Variants in TBC1D22A observed in about 807,000 individuals in gnomAD.
The protein encoded by TBC1D22A is TBC1 domain family member 22A.
TBC1D22A carries 38 observed loss-of-function variants against 60.2 expected under a neutral mutation model. The observed-to-expected ratio is 0.63, with a 90% CI of 0.49 to 0.83. TBC1D22A has a LOEUF of 0.83. Among genes scored for constraint, TBC1D22A ranks in the 40% least tolerant of loss-of-function variants. The pLI, the probability that TBC1D22A is intolerant of heterozygous loss-of-function variation, is 0.00. For synonymous variants in TBC1D22A, 302 were observed against 281.7 expected, an observed-to-expected ratio of 1.07 and a Z score of -0.72; for missense variants, 628 against 701.0, an observed-to-expected ratio of 0.90 and a Z score of 1.18.
chr22:46,773,536 C>T (rs918568490), intron 1 of TBC1D22A, among the ~76,000 whole-genome samples: 2 of 152,148 alleles, frequency 1.3e-5, no homozygotes, highest in African/African-American at 4.8e-5. Context: ...GCCATCTCAG[C>T]TCACTGTAAC....
Position 47,146,148 on chromosome 22 carries a change from A to G in TBC1D22A, c.1426-27350A>G, listed in dbSNP as rs558206508. 8.7e-5 allele frequency among the ~76,000 whole-genome samples: 13 copies of G among 150,170 alleles called. No individual in the cohort carries two copies. The South Asian group carries it at 2.5e-3, about 29-fold the overall frequency. Reference sequence around the variant, plus strand: ...TGCTGGTCTGTTTGTGCTGTCCCTTAAAACAGGGGTTGACTGGGGGCCGCG... The same window carrying G: ...TGCTGGTCTGTTTGTGCTGTCCCTTGAAACAGGGGTTGACTGGGGGCCGCG... On this transcript the variant is annotated intron_variant, in intron 12 of 12. Transcript: ENST00000337137.
At chr22:47,150,290 G>C (rs1391822951) in intron 12 of TBC1D22A, among the ~76,000 whole-genome samples, 1 of 152,162 alleles carries the variant, frequency 6.6e-6, no homozygotes, top group African/African-American at 2.4e-5. Context: ...GGGCACTGGG[G>C]AGTGGGCGGC....
At chr22:47,161,751 T>C (rs1413741049) in intron 12 of TBC1D22A, among the ~76,000 whole-genome samples, 1 of 152,242 alleles carries the variant, frequency 6.6e-6, no homozygotes, top group African/African-American at 2.4e-5. Context: ...AAAGCCCTTC[T>C]GCGCAAGTGT....
chr22:47,050,466 GCT>G (rs1023980209), intron 11 of TBC1D22A, among the ~76,000 whole-genome samples: 3 of 152,346 alleles, frequency 2.0e-5, no homozygotes, highest in Non-Finnish European at 4.4e-5. Context: ...AGCTGGCTGT[GCT>G]CTGTTTTTTA....
At chr22:46,902,793 C>T (rs906715114) in intron 7 of TBC1D22A, among the ~76,000 whole-genome samples, 5 of 151,020 alleles carry the variant, frequency 3.3e-5, no homozygotes, top group African/African-American at 1.2e-4. Context: ...AGACAGACAC[C>T]CGGTGGGCAC....
chr22:47,127,436 G>C (rs571858747), intron 12 of TBC1D22A, among the ~76,000 whole-genome samples: 38 of 148,838 alleles, frequency 2.6e-4, no homozygotes, highest in African/African-American at 8.5e-4. Flanking sequence ...AGACGGCCAG[G>C]CTGGTCTCGA....
intron 4 of TBC1D22A, among the ~76,000 whole-genome samples, chr22:46,871,848 A>G (rs1197256056): frequency 2.0e-5 from 3 of 152,216 alleles, no homozygotes; most frequent in Non-Finnish European, 4.4e-5. Context: ...TAAACTGAAA[A>G]ATGGGTAAAC....
chr22:46,941,720 G>A (rs1189930634), intron 8 of TBC1D22A, among the ~76,000 whole-genome samples: 3 of 112,942 alleles, frequency 2.7e-5, no homozygotes, highest in East Asian at 4.2e-4. Flanking sequence ...ATATATATAC[G>A]CGGAATGTAT....
chr22:46,922,859 A>G (rs1001985560), intron 8 of TBC1D22A, among the ~76,000 whole-genome samples: 1 of 152,196 alleles, frequency 6.6e-6, no homozygotes, highest in African/African-American at 2.4e-5. Context: ...TAGGTATAGA[A>G]TCGTATTGAT....
chr22:47,145,756 G>A (rs974547735), intron 12 of TBC1D22A, among the ~76,000 whole-genome samples: 3 of 152,188 alleles, frequency 2.0e-5, no homozygotes, highest in South Asian at 4.1e-4. Context: ...CAGGTCTTAC[G>A]TTCTTTTTCT....
intron 11 of TBC1D22A, among the ~76,000 whole-genome samples, chr22:47,089,649 A>G (rs1176468989): frequency 6.6e-6 from 1 of 152,210 alleles, no homozygotes; most frequent in Non-Finnish European, 1.5e-5. Flanking sequence ...ACAAGGGGAC[A>G]GTTTGACTGT....
At chr22:47,004,027 A>G (rs2051461814) in intron 10 of TBC1D22A, among the ~76,000 whole-genome samples, 1 of 149,576 alleles carries the variant, frequency 6.7e-6, no homozygotes, top group African/African-American at 2.5e-5. Context: ...GCCTGTATAC[A>G]CACACCTACA....
At chr22:47,051,261 A>G (rs2063207230) in intron 11 of TBC1D22A, among the ~76,000 whole-genome samples, 1 of 152,366 alleles carries the variant, frequency 6.6e-6, no homozygotes, top group African/African-American at 2.4e-5. Context: ...GGTTCCAGAC[A>G]TAGAGCAAAT....
At chr22:47,141,152 C>T (rs1471278018) in intron 12 of TBC1D22A, among the ~76,000 whole-genome samples, 1 of 152,148 alleles carries the variant, frequency 6.6e-6, no homozygotes, top group East Asian at 1.9e-4. Context: ...GGTTACTGCC[C>T]TTTATAAAAC....
At chr22:46,899,196 C>G (rs1242221523) in intron 7 of TBC1D22A, among the ~76,000 whole-genome samples, 2 of 152,108 alleles carry the variant, frequency 1.3e-5, no homozygotes, top group African/African-American at 2.4e-5. Flanking sequence ...CCTGTAATCC[C>G]AGCACTTCAG....
rs76771561 is a variant in TBC1D22A, at chr22:47,066,192, G to A, written c.1329+28994G>A. On this transcript the variant is annotated intron_variant, in intron 11 of 12. Coordinates refer to ENST00000337137, the MANE Select transcript of TBC1D22A (RefSeq NM_014346.5). ...AGGCATATGGGTACAGCTCACAGGC[G>A]TTTCTTAAAAAGCTGGTTTTGTTGA... 6.5e-3 allele frequency among the ~76,000 whole-genome samples: 995 copies of A among 152,320 alleles called. 8 individuals carry two copies. The highest frequency in any genetic ancestry group is 0.022 in the African/African-American group (923 of 41,566).
chr22:47,112,494 G>C (rs73888878), intron 12 of TBC1D22A, among the ~76,000 whole-genome samples: 3,278 of 152,310 alleles, frequency 0.022, 125 homozygotes, highest in African/African-American at 0.075. Context: ...TTGTTCCCCA[G>C]CTCTGTGCTT....
chr22:46,776,665 T>G (rs981460103), intron 1 of TBC1D22A, among the ~76,000 whole-genome samples: 2 of 151,778 alleles, frequency 1.3e-5, no homozygotes, highest in African/African-American at 4.8e-5. Context: ...AGCCAGGATG[T>G]CGGGTGAGAA....
chr22:46,992,459 T>G (rs2074981071), intron 9 of TBC1D22A, among the ~76,000 whole-genome samples: 1 of 152,186 alleles, frequency 6.6e-6, no homozygotes, highest in African/African-American at 2.4e-5. Context: ...CCCTGCACAG[T>G]GTAGGCCCGC....
Sources: gnomAD v4.1 joint callset for allele counts (sites outside exome capture counted in the v4.1 genomes callset) on GRCh38, gnomAD v4.1.1 for gene constraint, MANE v1.5 for transcripts, NCBI Gene and HGNC (gene_info 2026-07-23, HGNC 2026-07-21) for gene names.